The following TTC28 variants were observed in gnomAD, a reference collection of about 807,000 sequenced individuals.
TTC28 encodes the protein tetratricopeptide repeat domain 28, also known as tetratricopeptide repeat protein 28.
In TTC28, 61 loss-of-function variants were observed where a neutral mutation model predicts 198.0. The ratio of observed to expected loss-of-function variants is 0.31; its 90% CI spans 0.25 to 0.38. TTC28 has a LOEUF of 0.38. Among genes scored for constraint, TTC28 ranks in the 10% least tolerant of loss-of-function variants. The pLI is 1.00. For synonymous variants in TTC28, 1,171 were observed against 1,297.8 expected, an observed-to-expected ratio of 0.90 and a Z score of 2.10; for missense variants, 2,678 against 3,164.0, an observed-to-expected ratio of 0.85 and a Z score of 3.69.
chr22:27,992,459 T>C, intron 19 of TTC28, 128 bp downstream of exon 19: 1 of 966,720 alleles, frequency 1.0e-6, no homozygotes, highest in Non-Finnish European at 1.5e-6. Flanking sequence ...GCCCTCACCT[T>C]CTCCTTTGAA....
At chr22:28,669,411 G>T (rs1039334254) in intron 1 of TTC28, among the ~76,000 whole-genome samples, 1 of 152,022 alleles carries the variant, frequency 6.6e-6, no homozygotes, top group Non-Finnish European at 1.5e-5. Context: ...GATAGGGGAA[G>T]AATATTCCCA....
chr22:28,209,856 C>G (rs1347022834), intron 5 of TTC28, among the ~76,000 whole-genome samples: 2 of 152,184 alleles, frequency 1.3e-5, no homozygotes, highest in African/African-American at 4.8e-5. Context: ...GGTTCCTAAC[C>G]CCTGAGTAGT....
chr22:28,425,157 C>T (rs1252545422), intron 2 of TTC28, among the ~76,000 whole-genome samples: 3 of 152,134 alleles, frequency 2.0e-5, no homozygotes, highest in Admixed American at 6.5e-5. Flanking sequence ...CAGTGGCTTG[C>T]AAACTAACAT....
At chr22:28,588,141 CAAA>C (rs59061860) in intron 2 of TTC28, among the ~76,000 whole-genome samples, 10 of 138,812 alleles carry the variant, frequency 7.2e-5, no homozygotes, top group East Asian at 6.1e-4. Context: ...GACTCCGTCT[CAAA>C]AAAAAAAACA....
intron 2 of TTC28, among the ~76,000 whole-genome samples, chr22:28,543,541 G>A (rs946266970): frequency 1.3e-5 from 2 of 151,728 alleles, no homozygotes; most frequent in Middle Eastern, 3.4e-3. Flanking sequence ...AAGAGAGAGA[G>A]AGAAGGAGGG....
intron 5 of TTC28, among the ~76,000 whole-genome samples, chr22:28,215,194 A>G (rs1254041226): frequency 6.6e-6 from 1 of 152,170 alleles, no homozygotes; most frequent in Non-Finnish European, 1.5e-5. Context: ...TGACGAGTTA[A>G]TGGGTGCAGC....
intron 2 of TTC28, among the ~76,000 whole-genome samples, chr22:28,562,680 GA>G (rs1249708888): frequency 3.3e-5 from 5 of 152,094 alleles, no homozygotes; most frequent in African/African-American, 1.2e-4. Flanking sequence ...AAAGAGAATA[GA>G]AGGGCAGGTT....
chr22:27,998,345 C>T (rs1011797522), intron 16 of TTC28, 195 bp downstream of exon 16: 38 of 920,428 alleles, frequency 4.1e-5, no homozygotes, highest in Non-Finnish European at 5.7e-5. Context: ...CTCCCTGGTC[C>T]AAAGATGATC....
chr22:28,501,144 A>G (rs553131962), intron 2 of TTC28, among the ~76,000 whole-genome samples: 8 of 152,288 alleles, frequency 5.3e-5, no homozygotes, highest in Non-Finnish European at 7.4e-5. Flanking sequence ...AGGTGTACAA[A>G]AAAAGGAGCA....
intron 13 of TTC28, among the ~76,000 whole-genome samples, chr22:28,022,815 C>A (rs1938665422): frequency 6.6e-6 from 1 of 152,208 alleles, no homozygotes; most frequent in African/African-American, 2.4e-5. Flanking sequence ...AGAGATGCCT[C>A]AATTCAATTA....
intron 6 of TTC28, among the ~76,000 whole-genome samples, chr22:28,158,515 A>T (rs8140492): frequency 1.3e-5 from 2 of 152,220 alleles, no homozygotes; most frequent in South Asian, 4.1e-4. Flanking sequence ...TTCAAATTAC[A>T]CTACAAAGCT....
intron 2 of TTC28, among the ~76,000 whole-genome samples, chr22:28,400,331 AT>A (rs548855861): frequency 8.2e-4 from 125 of 152,310 alleles, no homozygotes; most frequent in African/African-American, 2.8e-3. Context: ...CCTGCTCAGC[AT>A]TTCAAAGAGT....
chr22:28,193,755 C>A (rs893239766), intron 5 of TTC28, among the ~76,000 whole-genome samples: 3 of 152,136 alleles, frequency 2.0e-5, no homozygotes, highest in Non-Finnish European at 4.4e-5. Flanking sequence ...AATATATATG[C>A]ACCCAATAAA....
At chr22:28,154,329 T>TC (rs1569166057) in intron 6 of TTC28, among the ~76,000 whole-genome samples, 12 of 141,356 alleles carry the variant, frequency 8.5e-5, no homozygotes, top group Admixed American at 6.7e-4. Context: ...CCATTTTTTT[T>TC]TTTTTCTTTT....
intron 5 of TTC28, among the ~76,000 whole-genome samples, chr22:28,187,854 C>T (rs1009769181): frequency 1.3e-5 from 2 of 152,222 alleles, no homozygotes; most frequent in Non-Finnish European, 2.9e-5. Context: ...GTAACTGGCA[C>T]ATACTGTGAA....
chr22:28,501,935 T>C (rs943719388), intron 2 of TTC28, among the ~76,000 whole-genome samples: 1 of 152,164 alleles, frequency 6.6e-6, no homozygotes, highest in African/African-American at 2.4e-5. Context: ...GCCATTAAGT[T>C]TGAGGTTTTA....
chr22:28,129,087 C>T (rs1057514013), intron 6 of TTC28, among the ~76,000 whole-genome samples: 22 of 152,150 alleles, frequency 1.4e-4, no homozygotes, highest in African/African-American at 4.8e-4. Context: ...GTGATTGTTC[C>T]ATGTAACAAG....
chr22:28,499,701 T>C (rs1029638618), intron 2 of TTC28, among the ~76,000 whole-genome samples: 79 of 152,344 alleles, frequency 5.2e-4, no homozygotes, highest in African/African-American at 1.7e-3. Flanking sequence ...AGTATGAAGA[T>C]AGCATACATG....
intron 6 of TTC28, among the ~76,000 whole-genome samples, chr22:28,151,117 C>T (rs1469730260): frequency 6.6e-6 from 1 of 152,174 alleles, no homozygotes; most frequent in Non-Finnish European, 1.5e-5. Flanking sequence ...AAAAAACCTC[C>T]AAGCACTAAT....
Sources: gnomAD v4.1 joint callset for allele counts (sites outside exome capture counted in the v4.1 genomes callset) on GRCh38, gnomAD v4.1.1 for gene constraint, MANE v1.5 for transcripts, NCBI Gene and HGNC (gene_info 2026-07-23, HGNC 2026-07-21) for gene names.